Variants in RPN1 observed in about 807,000 individuals in gnomAD.
The protein encoded by RPN1 is dolichyl-diphosphooligosaccharide--protein glycosyltransferase subunit 1.
A neutral mutation model predicts 55.5 loss-of-function variants in RPN1; 12 were observed. The ratio of observed to expected loss-of-function variants is 0.22; its 90% CI spans 0.14 to 0.35. The LOEUF is 0.35. Ranked by LOEUF, RPN1 falls within the 10% of genes least tolerant of loss-of-function variation. The probability of loss-of-function intolerance (pLI) is 1.00; values close to 1 mark genes in which losing one functional copy is unlikely to be tolerated. For missense variants in RPN1, 679 were observed against 761.3 expected, an observed-to-expected ratio of 0.89 and a Z score of 1.27; for synonymous variants, 317 against 305.9, an observed-to-expected ratio of 1.04 and a Z score of -0.38.
chr3:128,648,703 G>A (rs2069788308), intron 1 of RPN1, among the ~76,000 whole-genome samples: 1 of 152,120 alleles, frequency 6.6e-6, no homozygotes, highest in African/African-American at 2.4e-5. Flanking sequence ...GTACAAAATA[G>A]CACATATATC....
At chr3:128,637,111 A>G (rs1196096972) in intron 3 of RPN1, among the ~76,000 whole-genome samples, 1 of 151,976 alleles carries the variant, frequency 6.6e-6, no homozygotes, top group African/African-American at 2.4e-5. Flanking sequence ...GGTGACGCAC[A>G]CCTGTCACTC....
intron 3 of RPN1, among the ~76,000 whole-genome samples, chr3:128,633,887 G>A (rs1470343076): frequency 1.3e-5 from 2 of 152,072 alleles, no homozygotes; most frequent in Non-Finnish European, 2.9e-5. Flanking sequence ...GGAGGCTGAG[G>A]TAGGAGAATC....
intron 2 of RPN1, among the ~76,000 whole-genome samples, chr3:128,642,942 C>T (rs1320086889): frequency 1.3e-5 from 2 of 149,214 alleles, no homozygotes; most frequent in Non-Finnish European, 3.0e-5. Context: ...GCTTGAACCC[C>T]AGAGGCGGAG....
chr3:128,646,222 CAAAAAA>C (rs397803037), intron 1 of RPN1, among the ~76,000 whole-genome samples: 1 of 67,704 alleles, frequency 1.5e-5, no homozygotes, highest in East Asian at 5.2e-4. Context: ...GACTCCGTCT[CAAAAAA>C]AAAAAAAAAA....
At chr3:128,627,770 C>CA (rs71689582) in intron 5 of RPN1, among the ~76,000 whole-genome samples, 28,239 of 71,708 alleles carry the variant, frequency 0.39, 5,348 homozygotes, top group Middle Eastern at 0.44. Flanking sequence ...GACTCCATCT[C>CA]AAAAAAAAAA....
rs1453119509 is a variant in RPN1 at position 128,632,168 on chromosome 3, G to A, written c.634-11C>T. 4 of 1,613,530 alleles carry A rather than the reference G, an allele frequency of 2.5e-6. No individual in the cohort carries two copies. The highest frequency in any genetic ancestry group is 3.4e-6 in the Non-Finnish European group (4 of 1,179,624). ...TACTTTAAAAGTATCCTGGAAGGAAGGAAACAAATAGTTCAAAGTTTTGGC... is the reference window on the plus strand; with the variant it reads ...TACTTTAAAAGTATCCTGGAAGGAAAGAAACAAATAGTTCAAAGTTTTGGC... On this transcript the variant is annotated splice_polypyrimidine_tract_variant and intron_variant, in intron 3 of 9. Coordinates refer to ENST00000296255, the MANE Select transcript of RPN1 (RefSeq NM_002950.4).
At chr3:128,634,151 C>CAAAA (rs2069660772) in intron 3 of RPN1, among the ~76,000 whole-genome samples, 1 of 151,816 alleles carries the variant, frequency 6.6e-6, no homozygotes, top group Non-Finnish European at 1.5e-5. Flanking sequence ...CATGGTGAAA[C>CAAAA]CCTGTCTCTA....
intron 3 of RPN1, among the ~76,000 whole-genome samples, chr3:128,635,640 GATATATATATATATATATATAT>G (rs1162489418): frequency 0.015 from 1,734 of 114,028 alleles, 28 homozygotes; most frequent in Middle Eastern, 0.032. Context: ...TATATATATA[GATATATATATATATATATATAT>G]ATAGATATCT....
intron 1 of RPN1, among the ~76,000 whole-genome samples, chr3:128,647,804 A>T (rs897429662): frequency 1.3e-5 from 2 of 152,170 alleles, no homozygotes; most frequent in Non-Finnish European, 2.9e-5. Flanking sequence ...TTACTTAATA[A>T]AATATTAGCA....
intron 2 of RPN1, among the ~76,000 whole-genome samples, chr3:128,643,043 A>G (rs1046243138): frequency 6.7e-6 from 1 of 150,218 alleles, no homozygotes; most frequent in African/African-American, 2.5e-5. Context: ...AAAAGAAAAA[A>G]GGGCCAAGAG....
Position 128,620,213 on chromosome 3 carries a change from TAAAA to T in RPN1, c.*194_*197del, listed in dbSNP as rs879221646. 5 of 332,536 alleles carry T rather than the reference TAAAA, an allele frequency of 1.5e-5. No homozygotes were observed. Among genetic ancestry groups the T allele is most frequent in the African/African-American group, 4.4e-5 (2 of 45,224 alleles). 20.6% of individuals were successfully genotyped at this position (332,536 alleles called of 1,614,324 possible). The stretch of plus-strand genomic sequence containing the variant: ...GAGTTTTTTTAAAGTTTTCTTTTTT[TAAAA>T]AAAAAAAAAAAGAAAGTTAAGGACA... On this transcript the variant is annotated 3_prime_UTR_variant, in exon 10 of 10. Transcript: ENST00000296255.
chr3:128,620,850 T>C (rs2069553520), intron 9 of RPN1, among the ~76,000 whole-genome samples: 1 of 152,188 alleles, frequency 6.6e-6, no homozygotes, highest in African/African-American at 2.4e-5. Flanking sequence ...GGGCCTCATC[T>C]CCATTCTAGG....
chr3:128,650,293 G>A (rs2069806744), intron 1 of RPN1, among the ~76,000 whole-genome samples: 1 of 152,158 alleles, frequency 6.6e-6, no homozygotes, highest in African/African-American at 2.4e-5. Flanking sequence ...GCGGGGGCAG[G>A]CCGGTGCTGA....
At chr3:128,629,800 G>A (rs932157912) in intron 5 of RPN1, 151 bp downstream of exon 5, 7 of 555,692 alleles carry the variant, frequency 1.3e-5, no homozygotes, top group Admixed American at 6.7e-5. Flanking sequence ...ATACTAACTC[G>A]TACCCACTTA....
At chr3:128,650,519 C>G (rs943142271) in intron 1 of RPN1, 21 bp downstream of exon 1, 4 of 1,518,532 alleles carry the variant, frequency 2.6e-6, no homozygotes, top group Admixed American at 2.0e-5. Context: ...GGAGCGGCGG[C>G]GAGGGGTCGC....
At chr3:128,627,742 G>A (rs1255986311) in intron 5 of RPN1, among the ~76,000 whole-genome samples, 2 of 63,204 alleles carry the variant, frequency 3.2e-5, no homozygotes, top group Non-Finnish European at 6.6e-5. Flanking sequence ...CCGTACTCCA[G>A]CCTGGGAAAC....
chr3:128,642,520 CCTCT>C (rs1329772570), intron 2 of RPN1: 5 of 151,912 alleles, frequency 3.3e-5, no homozygotes, highest in Admixed American at 2.6e-4. Flanking sequence ...ATAGTGAAAC[CCTCT>C]CTCTACTAAA....
chr3:128,647,625 A>G (rs187464404), intron 1 of RPN1, among the ~76,000 whole-genome samples: 36 of 151,346 alleles, frequency 2.4e-4, no homozygotes, highest in African/African-American at 8.5e-4. Flanking sequence ...CAGAAATTCG[A>G]GGCTGCAGTG....
chr3:128,636,273 C>T (rs2069681640), intron 3 of RPN1, among the ~76,000 whole-genome samples: 2 of 151,896 alleles, frequency 1.3e-5, no homozygotes. Context: ...CCAGCCTGGC[C>T]AACATGGAGA....
Sources: gnomAD v4.1 joint callset for allele counts (sites outside exome capture counted in the v4.1 genomes callset) on GRCh38, gnomAD v4.1.1 for gene constraint, MANE v1.5 for transcripts, NCBI Gene and HGNC (gene_info 2026-07-23, HGNC 2026-07-21) for gene names.